The following SNTG2 variants were observed in gnomAD, a reference collection of about 807,000 sequenced individuals.
SNTG2 encodes syntrophin gamma 2, also known as gamma-2-syntrophin.
SNTG2 carries 74 observed loss-of-function variants against 70.9 expected under a neutral mutation model. That is an observed-to-expected ratio of 1.04 (90% CI 0.86 to 1.27). The LOEUF (loss-of-function observed/expected upper bound fraction) is 1.27. SNTG2 is among the 50% of genes most tolerant of loss of function. SNTG2 has a pLI of 0.00. For missense variants in SNTG2, 717 were observed against 690.7 expected (o/e 1.04, Z -0.43); for synonymous variants, 278 against 273.8 (o/e 1.02, Z -0.15).
intron 8 of SNTG2, among the ~76,000 whole-genome samples, chr2:1,177,988 G>C (rs1671597235): frequency 6.6e-6 from 1 of 152,050 alleles, no homozygotes; most frequent in African/African-American, 2.4e-5. Flanking sequence ...TTTTGTTGTT[G>C]TTCTTTAAAA....
At chr2:1,160,210 T>C (rs375878798) in intron 6 of SNTG2, 1 of 152,282 alleles carries the variant, frequency 6.6e-6, no homozygotes, top group African/African-American at 2.4e-5. Flanking sequence ...GCACATACAT[T>C]GTATATCTGA....
intron 1 of SNTG2, among the ~76,000 whole-genome samples, chr2:1,064,998 A>G (rs2148122270): frequency 6.6e-6 from 1 of 152,358 alleles, no homozygotes; most frequent in South Asian, 2.1e-4. Context: ...GAGCAATTTC[A>G]TATCAGACGC....
intron 15 of SNTG2, among the ~76,000 whole-genome samples, chr2:1,313,104 A>T (rs1247335097): frequency 1.3e-5 from 2 of 152,232 alleles, no homozygotes; most frequent in Non-Finnish European, 1.5e-5. Flanking sequence ...ACTGTGTTGC[A>T]GAGGAAGTAT....
chr2:1,273,341 G>A (rs929105223), intron 14 of SNTG2, among the ~76,000 whole-genome samples: 2 of 152,066 alleles, frequency 1.3e-5, no homozygotes, highest in Non-Finnish European at 2.9e-5. Context: ...TGTTTATAAA[G>A]ACTCCCCAAA....
intron 12 of SNTG2, among the ~76,000 whole-genome samples, chr2:1,249,700 C>G (rs1050701283): frequency 6.6e-6 from 1 of 152,172 alleles, no homozygotes; most frequent in African/African-American, 2.4e-5. Context: ...TTATGAGACC[C>G]TGACTATGTT....
At chr2:984,187 C>T (rs1276454268) in intron 1 of SNTG2, among the ~76,000 whole-genome samples, 1 of 151,896 alleles carries the variant, frequency 6.6e-6, no homozygotes, top group Non-Finnish European at 1.5e-5. Context: ...AAACCAGATG[C>T]ACTTTTGGAG....
At chr2:1,072,856 C>T (rs1036073762) in intron 1 of SNTG2, among the ~76,000 whole-genome samples, 3 of 152,122 alleles carry the variant, frequency 2.0e-5, no homozygotes, top group Non-Finnish European at 4.4e-5. Context: ...AACAGGACTT[C>T]GGAAGATGGT....
At chr2:1,051,061 G>T (rs1427580809) in intron 1 of SNTG2, among the ~76,000 whole-genome samples, 1 of 151,140 alleles carries the variant, frequency 6.6e-6, no homozygotes, top group Non-Finnish European at 1.5e-5. Context: ...CACATGCGTA[G>T]ATACTTTTGG....
At chr2:1,176,954 A>T (rs1671519138) in intron 8 of SNTG2, among the ~76,000 whole-genome samples, 1 of 152,194 alleles carries the variant, frequency 6.6e-6, no homozygotes, top group African/African-American at 2.4e-5. Flanking sequence ...CAGAAATACC[A>T]TTTGACTTAG....
At chr2:1,113,611 T>G (rs1253321282) in intron 4 of SNTG2, among the ~76,000 whole-genome samples, 1 of 151,660 alleles carries the variant, frequency 6.6e-6, no homozygotes, top group African/African-American at 2.4e-5. Context: ...TTGAGGAGGA[T>G]CGTGTGTACT....
At chr2:954,836 A>G (rs1424051983) in intron 1 of SNTG2, among the ~76,000 whole-genome samples, 2 of 152,192 alleles carry the variant, frequency 1.3e-5, no homozygotes, top group Non-Finnish European at 2.9e-5. Flanking sequence ...CTCCCCTTGC[A>G]CATTTTAATA....
chr2:1,031,528 ATTT>A lies in SNTG2; in HGVS notation c.73-51972_73-51970del, dbSNP rs745388505. On this transcript the variant is annotated intron_variant, in intron 1 of 16. Coordinates refer to ENST00000308624, the MANE Select transcript of SNTG2 (RefSeq NM_018968.4). ...CATTGTTATATATATATATATATAT[ATTT>A]TTTTTTTTTTTTTTTTTGAGGCGAA... Among the ~76,000 whole-genome samples, 371 of 59,078 alleles carry A rather than the reference ATTT, an allele frequency of 6.3e-3. 4 individuals carry two copies. The highest frequency in any genetic ancestry group is 7.8e-3 in the Middle Eastern group (1 of 128). The allele number at this position is 59,078 out of a possible 152,430, so 38.8% of individuals were successfully genotyped here.
rs13420844 is a variant in SNTG2 at position 1,123,706 on chromosome 2, T to C, written c.326-13916T>C. ...GACTACAAAAGCACAAATAGATAAA[T>C]TGGACTACATCAAACTGAAGTTCCT... On this transcript the variant is annotated intron_variant, in intron 4 of 16. Coordinates refer to ENST00000308624, the MANE Select transcript of SNTG2 (RefSeq NM_018968.4). 3.6e-3 allele frequency among the ~76,000 whole-genome samples: 552 copies of C among 152,144 alleles called. 3 individuals carry two copies. The highest frequency in any genetic ancestry group is 0.017 in the South Asian group (84 of 4,820).
At chr2:1,082,009 A>C (rs1367878193) in intron 1 of SNTG2, among the ~76,000 whole-genome samples, 1 of 152,256 alleles carries the variant, frequency 6.6e-6, no homozygotes, top group Middle Eastern at 3.4e-3. Context: ...GTGTTGAGTG[A>C]TTGAAAGCCA....
intron 9 of SNTG2, among the ~76,000 whole-genome samples, chr2:1,214,357 C>G (rs1424658694): frequency 3.3e-5 from 5 of 152,128 alleles, no homozygotes; most frequent in Non-Finnish European, 5.9e-5. Context: ...ATCTAAACAA[C>G]ATTAACTCTT....
chr2:1,289,159 A>G (rs529326425), intron 14 of SNTG2, among the ~76,000 whole-genome samples: 3 of 152,100 alleles, frequency 2.0e-5, no homozygotes, highest in Admixed American at 6.6e-5. Context: ...CATTATCTTC[A>G]GAGATCCTAA....
intron 1 of SNTG2, among the ~76,000 whole-genome samples, chr2:1,023,280 G>A (rs1258438972): frequency 6.6e-6 from 1 of 151,900 alleles, no homozygotes; most frequent in Non-Finnish European, 1.5e-5. Flanking sequence ...TTTACTCTTG[G>A]GCCATCTCCT....
At chr2:1,194,812 T>C (rs1279816393) in intron 8 of SNTG2, among the ~76,000 whole-genome samples, 1 of 152,082 alleles carries the variant, frequency 6.6e-6, no homozygotes, top group Non-Finnish European at 1.5e-5. Flanking sequence ...CGTGCCATGG[T>C]GGTTTGCTGC....
chr2:1,190,429 G>T (rs1298378296), intron 8 of SNTG2, among the ~76,000 whole-genome samples: 3 of 142,320 alleles, frequency 2.1e-5, no homozygotes, highest in Non-Finnish European at 4.6e-5. Context: ...AACTTTTTGT[G>T]GGAGGTATTT....
Sources: gnomAD v4.1 joint callset for allele counts (sites outside exome capture counted in the v4.1 genomes callset) on GRCh38, gnomAD v4.1.1 for gene constraint, MANE v1.5 for transcripts, NCBI Gene and HGNC (gene_info 2026-07-23, HGNC 2026-07-21) for gene names.